Variants in RBFOX3 observed in about 807,000 individuals in gnomAD.
The protein encoded by RBFOX3 is RNA binding fox-1 homolog 3.
Under a neutral mutation model 48.7 loss-of-function variants are expected in RBFOX3, and 17 were observed. That is an observed-to-expected ratio of 0.35 (90% CI 0.24 to 0.52). The LOEUF is 0.52. Among genes scored for constraint, RBFOX3 ranks in the 20% least tolerant of loss-of-function variants. RBFOX3 has a pLI of 0.94. For synonymous variants in RBFOX3, 212 were observed against 209.5 expected (o/e 1.01, Z -0.10); for missense variants, 382 against 497.5 (o/e 0.77, Z 2.21).
intron 3 of RBFOX3, among the ~76,000 whole-genome samples, chr17:79,284,910 C>A (rs1481846651): frequency 6.6e-6 from 1 of 152,126 alleles, no homozygotes; most frequent in Non-Finnish European, 1.5e-5. Flanking sequence ...AAGCTTGGGG[C>A]CCTTCATCCT....
chr17:79,344,800 C>T (rs1365845936), intron 2 of RBFOX3, among the ~76,000 whole-genome samples: 1 of 152,126 alleles, frequency 6.6e-6, no homozygotes, highest in African/African-American at 2.4e-5. Flanking sequence ...AGGTGATCCA[C>T]CCACTTCAGC....
chr17:79,282,568 T>A (rs1209482763), intron 3 of RBFOX3, among the ~76,000 whole-genome samples: 7 of 142,644 alleles, frequency 4.9e-5, no homozygotes, highest in Admixed American at 4.9e-4. Context: ...AGAATAGGGG[T>A]GTGGGGTGGG....
chr17:79,519,013 T>G (rs1158617466), intron 1 of RBFOX3, among the ~76,000 whole-genome samples: 1 of 152,148 alleles, frequency 6.6e-6, no homozygotes, highest in Non-Finnish European at 1.5e-5. Context: ...GTCTTCAGGA[T>G]GCTGTACCCG....
the RBFOX3 span, among the ~76,000 whole-genome samples, chr17:79,658,301 T>C: frequency 7.8e-6 from 1 of 129,024 alleles, no homozygotes; most frequent in African/African-American, 3.0e-5. Context: ...CCCTTCCCTC[T>C]CTCCCTCTCT....
chr17:79,548,773 C>T (rs1568404936), intron 1 of RBFOX3, among the ~76,000 whole-genome samples: 1 of 152,222 alleles, frequency 6.6e-6, no homozygotes, highest in East Asian at 1.9e-4. Context: ...GCTGTAGCCC[C>T]AGTGCCTGCT....
intron 2 of RBFOX3, among the ~76,000 whole-genome samples, chr17:79,430,848 G>C (rs1445258326): frequency 6.6e-6 from 1 of 152,150 alleles, no homozygotes; most frequent in Non-Finnish European, 1.5e-5. Flanking sequence ...CCCGCCCTGT[G>C]CTCAGCAAAT....
intron 4 of RBFOX3, among the ~76,000 whole-genome samples, chr17:79,120,780 G>A (rs946123321): frequency 1.3e-5 from 2 of 151,574 alleles, no homozygotes; most frequent in Admixed American, 6.6e-5. Flanking sequence ...ATGGATAGAC[G>A]GATGAGTTTA....
At chr17:79,368,849 G>A (rs571529293) in intron 2 of RBFOX3, among the ~76,000 whole-genome samples, 8 of 152,338 alleles carry the variant, frequency 5.3e-5, no homozygotes, top group Admixed American at 4.6e-4. Flanking sequence ...AAGGGCCAAC[G>A]ATGCTTTTGT....
chr17:79,626,766 A>G, the RBFOX3 span, among the ~76,000 whole-genome samples: 2 of 152,198 alleles, frequency 1.3e-5, no homozygotes, highest in Non-Finnish European at 2.9e-5. Context: ...TGGGCCAAGC[A>G]TGTGGGCCGA....
intron 1 of RBFOX3, among the ~76,000 whole-genome samples, chr17:79,509,975 C>T (rs1395559828): frequency 6.6e-6 from 1 of 152,214 alleles, no homozygotes; most frequent in Non-Finnish European, 1.5e-5. Context: ...TTCTAATATG[C>T]ACATATTACC....
intron 2 of RBFOX3, among the ~76,000 whole-genome samples, chr17:79,459,004 C>T (rs1555746991): frequency 6.6e-6 from 1 of 152,194 alleles, no homozygotes; most frequent in Non-Finnish European, 1.5e-5. Flanking sequence ...ACCAGGCCTC[C>T]ACCTGTGCCC....
intron 2 of RBFOX3, among the ~76,000 whole-genome samples, chr17:79,478,070 CA>C (rs1397852498): frequency 6.6e-5 from 10 of 152,202 alleles, no homozygotes; most frequent in African/African-American, 1.2e-4. Flanking sequence ...CGCTGCCAAG[CA>C]ACGCTCATGT....
chr17:79,420,128 T>TACACACACACACACACACAC (rs58282867), intron 2 of RBFOX3, among the ~76,000 whole-genome samples: 57 of 114,362 alleles, frequency 5.0e-4, no homozygotes, highest in African/African-American at 1.8e-3. Context: ...CTCCGTCTCA[T>TACACACACACACACACACAC]ACACACACAC....
At position 79,106,737 on chromosome 17, in the gene RBFOX3, G is replaced by T; in HGVS notation, c.274C>A (p.Pro92Thr). The T allele has an allele frequency of 6.6e-7, 1 of 1,518,848 alleles. No individual in the cohort carries two copies. Among genetic ancestry groups the T allele is most frequent in the Non-Finnish European group, 8.8e-7 (1 of 1,134,732 alleles). 94.1% of individuals were successfully genotyped at this position (1,518,848 alleles called of 1,614,324 possible). Residue 92 changes from proline to threonine, a missense_variant, in exon 6 of 15, where the codon CCT becomes ACT. Around this residue, in one of 3 missense-constraint regions of RBFOX3, gnomAD observed 118 missense variants for 132.1 expected, o/e 0.89. Transcript: ENST00000693108. ...TDSQPLHPSD[P>T]TEKQQPKRLH... Reference sequence around the variant, plus strand: ...CGCTTGGGCTGCTGCTTCTCTGTAGGGTCGGAGGGGTGGAGCGGCTGGCTG... The same window carrying T: ...CGCTTGGGCTGCTGCTTCTCTGTAGTGTCGGAGGGGTGGAGCGGCTGGCTG...
At chr17:79,427,684 T>G (rs2067642584) in intron 2 of RBFOX3, among the ~76,000 whole-genome samples, 1 of 152,212 alleles carries the variant, frequency 6.6e-6, no homozygotes, top group Non-Finnish European at 1.5e-5. Context: ...TGGGGAAACA[T>G]CCTGAGATAG....
chr17:79,475,279 G>A (rs2077569700), intron 2 of RBFOX3, among the ~76,000 whole-genome samples: 1 of 152,108 alleles, frequency 6.6e-6, no homozygotes, highest in African/African-American at 2.4e-5. Context: ...TACAGCTCCA[G>A]TCATTCTGGC....
At chr17:79,168,604 C>T (rs893354055) in intron 4 of RBFOX3, among the ~76,000 whole-genome samples, 3 of 152,206 alleles carry the variant, frequency 2.0e-5, no homozygotes, top group Non-Finnish European at 1.5e-5. Context: ...GGAGAGGGGT[C>T]ACTGAGCAGG....
At chr17:79,383,088 A>G (rs2147975419) in intron 2 of RBFOX3, among the ~76,000 whole-genome samples, 1 of 145,096 alleles carries the variant, frequency 6.9e-6, no homozygotes, top group African/African-American at 2.7e-5. Flanking sequence ...TGTAGAATCA[A>G]TACCGCAGCC....
intron 2 of RBFOX3, among the ~76,000 whole-genome samples, chr17:79,339,720 G>A (rs2081761991): frequency 6.6e-6 from 1 of 152,234 alleles, no homozygotes; most frequent in African/African-American, 2.4e-5. Context: ...CACAGCAACT[G>A]TTGGCCTGGA....
Sources: gnomAD v4.1 joint callset for allele counts (sites outside exome capture counted in the v4.1 genomes callset) on GRCh38, gnomAD v4.1.1 for gene constraint, gnomAD v4.1.1 regional missense constraint, MANE v1.5 for transcripts, NCBI Gene and HGNC (gene_info 2026-07-23, HGNC 2026-07-21) for gene names.